The following CACNA1C variants were observed in gnomAD, a reference collection of about 807,000 sequenced individuals.
CACNA1C encodes the protein voltage-dependent L-type calcium channel subunit alpha-1C.
A neutral mutation model predicts 229.0 loss-of-function variants in CACNA1C; 30 were observed. The ratio of observed to expected loss-of-function variants is 0.13; its 90% confidence interval spans 0.10 to 0.18. The LOEUF (loss-of-function observed/expected upper bound fraction) is 0.18. CACNA1C is among the 10% of genes least tolerant of loss of function. The pLI is 1.00. For synonymous variants in CACNA1C, 1,114 were observed against 1,132.5 expected (o/e 0.98, Z 0.33); for missense variants, 1,658 against 2,845.0 (o/e 0.58, Z 9.49).
At position 2,411,164 on chromosome 12, in the gene CACNA1C, C is replaced by A. The variant is rs553113483; in HGVS notation, c.478-37812C>A. ...CCTGCCTCCTCCCCACCTCCTGAGCCCTGTGGGGTATCAGGAGCCTCACCA... is the reference window on the plus strand; with the variant it reads ...CCTGCCTCCTCCCCACCTCCTGAGCACTGTGGGGTATCAGGAGCCTCACCA... On this transcript the variant is annotated intron_variant, in intron 3 of 46. Coordinates refer to ENST00000399655, the MANE Select transcript of CACNA1C (RefSeq NM_000719.7). 1.3e-5 allele frequency among the ~76,000 whole-genome samples: 2 copies of A among 152,220 alleles called. 1 individual carries two copies. The highest frequency in any genetic ancestry group is 4.1e-4 in the South Asian group (2 of 4,824).
intron 3 of CACNA1C, among the ~76,000 whole-genome samples, chr12:2,304,707 A>G (rs1368790606): frequency 6.6e-6 from 1 of 152,276 alleles, no homozygotes; most frequent in Non-Finnish European, 1.5e-5. Context: ...CTTGAGGGCC[A>G]GCCCTCTGCA....
At chr12:2,397,047 T>C (rs1284262234) in intron 3 of CACNA1C, among the ~76,000 whole-genome samples, 2 of 152,236 alleles carry the variant, frequency 1.3e-5, no homozygotes, top group African/African-American at 4.8e-5. Context: ...TTTTCATATC[T>C]GATGAAAGCT....
chr12:2,422,344 A>G (rs2098987746), intron 3 of CACNA1C, among the ~76,000 whole-genome samples: 1 of 152,176 alleles, frequency 6.6e-6, no homozygotes, highest in Non-Finnish European at 1.5e-5. Flanking sequence ...GGGCAGAATC[A>G]TTTCTGCAGA....
At chr12:2,390,227 C>G (rs1435012158) in intron 3 of CACNA1C, among the ~76,000 whole-genome samples, 1 of 152,176 alleles carries the variant, frequency 6.6e-6, no homozygotes, top group Non-Finnish European at 1.5e-5. Context: ...CCAAAGGGGG[C>G]CCTGACCAAA....
chr12:2,590,060 C>G (rs748523110), intron 18 of CACNA1C, among the ~76,000 whole-genome samples: 2 of 152,310 alleles, frequency 1.3e-5, no homozygotes, highest in Middle Eastern at 3.4e-3. Context: ...TGGTAGCAGA[C>G]TCTTGCGCCC....
rs375360674 is a variant in CACNA1C at position 2,124,371 on chromosome 12, A to T, written c.477+3941A>T. ...TCTCAAGAAGAGGATGCCATAAGAG[A>T]TACTTCAGGTTGAAGTGTACTCATG... is the stretch of plus-strand genomic sequence containing the variant. On this transcript the variant is annotated intron_variant, in intron 3 of 46. Transcript: ENST00000399655. Among the ~76,000 whole-genome samples the T allele has an allele frequency of 5.3e-4, 80 of 152,242 alleles. 1 individual carries two copies. The highest frequency in any genetic ancestry group is 1.9e-3 in the African/African-American group (77 of 41,544).
chr12:2,267,068 G>T (rs1275046743), intron 3 of CACNA1C, among the ~76,000 whole-genome samples: 1 of 152,086 alleles, frequency 6.6e-6, no homozygotes, highest in Non-Finnish European at 1.5e-5. Flanking sequence ...ACTTCACGTG[G>T]ACTTTGGCTG....
Position 2,486,252 on chromosome 12 carries a change from G to T in CACNA1C, c.906G>T (p.Glu302Asp). ...GKMHKTCYNQ[E>D]GIADVPAEDD... ...TGCACAAGACCTGCTACAACCAGGA[G>T]GGCATAGCAGGTAAGAGGGGCAGGC... Residue 302 changes from glutamate to aspartate, a missense_variant, in exon 6 of 47, where the codon GAG becomes GAT. By Grantham distance (45) the Glu-to-Asp change is conservative (BLOSUM62 2). This residue lies in a region of CACNA1C where 84 missense variants were observed against 202.6 expected (regional missense o/e 0.41). Coordinates refer to ENST00000399655, the MANE Select transcript of CACNA1C (RefSeq NM_000719.7). The surrounding 1 kb of genome is among the most constrained non-coding windows in gnomAD (Gnocchi z 4.9). 6.2e-7 allele frequency: 1 copy of T among 1,613,148 alleles called. No individual in the cohort carries two copies. The highest frequency in any genetic ancestry group is 1.7e-5 in the Admixed American group (1 of 59,974).
chr12:2,673,547 TTCATAAGGCAA>T (rs1393726638), intron 38 of CACNA1C, among the ~76,000 whole-genome samples: 1 of 152,042 alleles, frequency 6.6e-6, no homozygotes, highest in Non-Finnish European at 1.5e-5. Flanking sequence ...AAGCTGGGCT[TTCATAAGGCAA>T]ATCCAGGATA....
chr12:2,076,182 G>A (rs376600944), intron 1 of CACNA1C, among the ~76,000 whole-genome samples: 2 of 152,248 alleles, frequency 1.3e-5, no homozygotes, highest in South Asian at 2.1e-4. Context: ...GCTTGCCTTC[G>A]ATTCCCATCT....
At chr12:2,395,357 C>T (rs1299859849) in intron 3 of CACNA1C, among the ~76,000 whole-genome samples, 1 of 151,984 alleles carries the variant, frequency 6.6e-6, no homozygotes, top group Non-Finnish European at 1.5e-5. Flanking sequence ...TAGCTGGAAA[C>T]ACAGGTGTGC....
At chr12:2,459,154 T>C (rs1458270943) in intron 5 of CACNA1C, among the ~76,000 whole-genome samples, 1 of 131,370 alleles carries the variant, frequency 7.6e-6, no homozygotes. Context: ...AGCTAATTTT[T>C]GTTTTTTTGT....
At chr12:2,244,727 G>A (rs1373567718) in intron 3 of CACNA1C, among the ~76,000 whole-genome samples, 3 of 152,180 alleles carry the variant, frequency 2.0e-5, no homozygotes, top group African/African-American at 7.2e-5. Flanking sequence ...TGCCTCACGT[G>A]GACTCCCCCT....
At chr12:2,425,128 A>G (rs949546455) in intron 3 of CACNA1C, among the ~76,000 whole-genome samples, 2 of 152,264 alleles carry the variant, frequency 1.3e-5, no homozygotes, top group African/African-American at 4.8e-5. Context: ...GGTAGCATAG[A>G]AACCTAACAC....
At chr12:2,297,738 T>G (rs1039486128) in intron 3 of CACNA1C, among the ~76,000 whole-genome samples, 1 of 152,216 alleles carries the variant, frequency 6.6e-6, no homozygotes, top group African/African-American at 2.4e-5. Context: ...ATATTATATA[T>G]GTGTGTGTTT....
chr12:2,565,781 A>C (rs1308628072), intron 11 of CACNA1C, among the ~76,000 whole-genome samples: 1 of 152,240 alleles, frequency 6.6e-6, no homozygotes, highest in East Asian at 1.9e-4. Context: ...AGATTCTATA[A>C]CCCAGAAAAA....
In CACNA1C at chr12:2,053,763, G is replaced by C. The variant is rs1429858823; in HGVS notation, c.49+152G>C. Among the ~76,000 whole-genome samples the C allele has an allele frequency of 3.3e-5, 5 of 150,620 alleles. No homozygotes were observed. Among genetic ancestry groups the C allele is most frequent in the South Asian group, 4.2e-4 (2 of 4,794 alleles). On this transcript the variant is annotated intron_variant, in intron 1 of 46. Coordinates refer to ENST00000399655, the MANE Select transcript of CACNA1C (RefSeq NM_000719.7). This position sits in a 1 kb window ranked among gnomAD's most constrained non-coding sequence, Gnocchi z 5.8. ...GCGCCTCCGCCTCGTCGGAGCGCCC[G>C]GGAGCCCGGCGGGACCGGGGCCCGA...
intron 3 of CACNA1C, among the ~76,000 whole-genome samples, chr12:2,369,845 A>G (rs1055666097): frequency 3.9e-5 from 6 of 152,260 alleles, no homozygotes; most frequent in African/African-American, 1.4e-4. Context: ...TAAACATGAA[A>G]GTAATGGAGG....
At chr12:2,433,574 G>A (rs990339678) in intron 3 of CACNA1C, among the ~76,000 whole-genome samples, 12 of 152,148 alleles carry the variant, frequency 7.9e-5, no homozygotes, top group Admixed American at 2.0e-4. Context: ...ATGAATGTGA[G>A]GATACCTCAT....
Sources: allele counts gnomAD v4.1 joint callset (sites outside exome capture counted in the v4.1 genomes callset), GRCh38; gene constraint gnomAD v4.1.1; regional missense constraint gnomAD v4.1.1; non-coding constraint Gnocchi (gnomAD v3.1); transcripts MANE v1.5; gene names NCBI Gene and HGNC (gene_info 2026-07-23, HGNC 2026-07-21).